Variants in SAMD3 observed in about 807,000 individuals in gnomAD.
SAMD3 encodes sterile alpha motif domain containing 3.
In SAMD3, 63 loss-of-function variants were observed where a neutral mutation model predicts 58.5. The ratio of observed to expected loss-of-function variants is 1.08; its 90% CI spans 0.88 to 1.33. The LOEUF (loss-of-function observed/expected upper bound fraction) is 1.33, where lower values mean the gene tolerates loss of function less well. Ranked by LOEUF, SAMD3 falls within the 40% of genes most tolerant of loss-of-function variation. SAMD3 has a pLI of 0.00. For synonymous variants in SAMD3, 220 were observed against 210.3 expected (o/e 1.05, Z -0.40); for missense variants, 604 against 608.4 (o/e 0.99, Z 0.08).
At chr6:130,316,017 G>A (rs747275439) in intron 1 of SAMD3, among the ~76,000 whole-genome samples, 52 of 152,254 alleles carry the variant, frequency 3.4e-4, no homozygotes, top group East Asian at 1.2e-3. Context: ...GGGGCCGGGC[G>A]TGGTGGCTCA....
chr6:130,307,533 CTT>C (rs1775948536), intron 2 of SAMD3, among the ~76,000 whole-genome samples: 1 of 152,000 alleles, frequency 6.6e-6, no homozygotes, highest in African/African-American at 2.4e-5. Flanking sequence ...ATTTAAGAAA[CTT>C]AGGTTTATAA....
At chr6:130,250,943 T>G in intron 2 of SAMD3, among the ~76,000 whole-genome samples, 1 of 152,226 alleles carries the variant, frequency 6.6e-6, no homozygotes, top group African/African-American at 2.4e-5. Context: ...TTCATTTCTC[T>G]TGTGTATATA....
At chr6:130,330,326 TA>T (rs1011349880) in intron 1 of SAMD3, among the ~76,000 whole-genome samples, 1 of 152,192 alleles carries the variant, frequency 6.6e-6, no homozygotes, top group Non-Finnish European at 1.5e-5. Context: ...GGGATGCAGT[TA>T]AAATGGCTAT....
intron 2 of SAMD3, among the ~76,000 whole-genome samples, chr6:130,287,987 T>C (rs1211243830): frequency 6.6e-6 from 1 of 151,622 alleles, no homozygotes; most frequent in African/African-American, 2.4e-5. Context: ...GAAGTCTTGA[T>C]GTCCTCCGCT....
chr6:130,304,440 G>A (rs1281714300), intron 2 of SAMD3, among the ~76,000 whole-genome samples: 3 of 152,162 alleles, frequency 2.0e-5, no homozygotes, highest in African/African-American at 7.2e-5. Context: ...AAAGTGCTGG[G>A]TGAAGTGCCA....
intron 1 of SAMD3, among the ~76,000 whole-genome samples, chr6:130,323,802 C>CAAAAAAAAAAAAAAAA (rs766078214): frequency 1.9e-5 from 1 of 53,544 alleles, no homozygotes; most frequent in Non-Finnish European, 3.3e-5. Flanking sequence ...GACTCTGTCT[C>CAAAAAAAAAAAAAAAA]AAAAAAAAAA....
At chr6:130,293,184 C>T (rs1023471973) in intron 2 of SAMD3, among the ~76,000 whole-genome samples, 1 of 152,182 alleles carries the variant, frequency 6.6e-6, no homozygotes, top group East Asian at 1.9e-4. Context: ...TACGGACCAA[C>T]TCCATTTGCT....
intron 9 of SAMD3, among the ~76,000 whole-genome samples, chr6:130,154,091 A>G (rs1466308268): frequency 1.3e-5 from 2 of 152,180 alleles, no homozygotes; most frequent in African/African-American, 4.8e-5. Context: ...TTGATTACAT[A>G]AAAGCATGAA....
intron 7 of SAMD3, among the ~76,000 whole-genome samples, chr6:130,180,316 G>A (rs1251210908): frequency 4.5e-5 from 2 of 44,348 alleles, no homozygotes; most frequent in Admixed American, 2.2e-4. Flanking sequence ...TTTTTTTTTT[G>A]TAGGGATGGG....
At chr6:130,294,634 T>G (rs1043959979) in intron 2 of SAMD3, among the ~76,000 whole-genome samples, 74 of 152,018 alleles carry the variant, frequency 4.9e-4, no homozygotes, top group Non-Finnish European at 9.1e-4. Flanking sequence ...TAATTTTTTT[T>G]TTTTTTGCAA....
chr6:130,200,201 C>A (rs763190895), intron 5 of SAMD3, among the ~76,000 whole-genome samples: 3 of 152,010 alleles, frequency 2.0e-5, no homozygotes, highest in Non-Finnish European at 4.4e-5. Context: ...TTATCTACTA[C>A]CATGACATGC....
intron 1 of SAMD3, among the ~76,000 whole-genome samples, chr6:130,333,055 G>GTGTA (rs1445700076): frequency 9.1e-5 from 5 of 54,654 alleles, no homozygotes; most frequent in Admixed American, 4.2e-4. Flanking sequence ...GTGTGTGTGT[G>GTGTA]TGTGTGTGTG....
At chr6:130,220,104 C>A (rs1220618697) in intron 1 of SAMD3, among the ~76,000 whole-genome samples, 1 of 152,170 alleles carries the variant, frequency 6.6e-6, no homozygotes, top group Non-Finnish European at 1.5e-5. Context: ...CGGATTCAAG[C>A]CATTCTTTTG....
upstream of SAMD3, among the ~76,000 whole-genome samples, chr6:130,224,083 C>T (rs1796314278): frequency 6.6e-6 from 1 of 151,984 alleles, no homozygotes; most frequent in Admixed American, 6.5e-5. Flanking sequence ...GCGGTCTTCC[C>T]CTGGAGTCAG....
intron 2 of SAMD3, among the ~76,000 whole-genome samples, chr6:130,300,761 A>G (rs1775719117): frequency 6.6e-6 from 1 of 152,208 alleles, no homozygotes; most frequent in African/African-American, 2.4e-5. Context: ...CCTAGACATG[A>G]TAAATGAATT....
At chr6:130,226,467 C>T (rs78240441), upstream of SAMD3, among the ~76,000 whole-genome samples, 6,606 of 152,294 alleles carry the variant, frequency 0.043, 469 homozygotes, top group African/African-American at 0.15. Flanking sequence ...AAAGTTAGCA[C>T]ACCATCCCCA....
intron 5 of SAMD3, among the ~76,000 whole-genome samples, chr6:130,194,325 C>A (rs931604535): frequency 1.1e-4 from 17 of 152,314 alleles, no homozygotes; most frequent in South Asian, 8.3e-4. Flanking sequence ...ACTTTACAGC[C>A]CTAGACCCTA....
intron 5 of SAMD3, among the ~76,000 whole-genome samples, chr6:130,186,767 A>ATTTTTT (rs35592601): frequency 1.1e-4 from 12 of 107,012 alleles, no homozygotes; most frequent in African/African-American, 1.9e-4. Context: ...CCTTCCTGGG[A>ATTTTTT]TTTTTTTTTT....
chr6:130,200,026 C>T (rs1794494764), intron 5 of SAMD3, among the ~76,000 whole-genome samples: 1 of 152,002 alleles, frequency 6.6e-6, no homozygotes, highest in Non-Finnish European at 1.5e-5. Flanking sequence ...TCTCTCAAAC[C>T]CTCTATGTTA....
Sources: allele counts gnomAD v4.1 joint callset (sites outside exome capture counted in the v4.1 genomes callset), GRCh38; gene constraint gnomAD v4.1.1; transcripts MANE v1.5; gene names NCBI Gene and HGNC (gene_info 2026-07-23, HGNC 2026-07-21).